The following DOCK7 variants were observed in gnomAD, a reference collection of about 807,000 sequenced individuals.
DOCK7 encodes dedicator of cytokinesis protein 7.
DOCK7 carries 138 observed loss-of-function variants against 271.0 expected under a neutral mutation model. The observed-to-expected ratio is 0.51, with a 90% confidence interval of 0.44 to 0.59. The LOEUF (loss-of-function observed/expected upper bound fraction) is 0.59, where lower values mean the gene tolerates loss of function less well. Among genes scored for constraint, DOCK7 ranks in the 20% least tolerant of loss-of-function variants. The pLI, the probability that DOCK7 is intolerant of heterozygous loss-of-function variation, is 0.00. For missense variants in DOCK7, 2,066 were observed against 2,592.4 expected (o/e 0.80, Z 4.41); for synonymous variants, 823 against 876.1 (o/e 0.94, Z 1.07).
chr1:62,565,375 C>T (rs1413838954), intron 18 of DOCK7, among the ~76,000 whole-genome samples: 2 of 152,286 alleles, frequency 1.3e-5, no homozygotes, highest in Non-Finnish European at 2.9e-5. Flanking sequence ...ATCAAGTCAG[C>T]TTCATCCCTG....
intron 14 of DOCK7, among the ~76,000 whole-genome samples, chr1:62,598,972 C>A (rs1291019796): frequency 6.6e-6 from 1 of 152,044 alleles, no homozygotes; most frequent in Non-Finnish European, 1.5e-5. Context: ...TGCATTTAAA[C>A]CATGGCTCTA....
intron 1 of DOCK7, among the ~76,000 whole-genome samples, chr1:62,674,395 C>T (rs932590845): frequency 6.6e-6 from 1 of 152,128 alleles, no homozygotes; most frequent in African/African-American, 2.4e-5. Flanking sequence ...AGATTCAGTG[C>T]AATCTCTATC....
chr1:62,513,512 C>A lies in DOCK7; in HGVS notation c.4214G>T (p.Gly1405Val). Residue 1405 changes from glycine (G) to valine (V), a missense_variant, in exon 33 of 50, where the codon GGT (glycine) becomes GTT (valine). Physicochemically the swap from Gly to Val is moderately radical, Grantham distance 109. Coordinates refer to ENST00000635253, the MANE Select transcript of DOCK7 (RefSeq NM_001367561.1). ...KLEEAILGSI[G>V]ARQEMVRRSR... is the part of the protein sequence containing the mutation. ...TCGCCGTACCATTTCTTGCCTGGCA[C>A]CTATGCTCCCAAGAATAGCTTCTTC... The A allele has an allele frequency of 6.2e-7, 1 of 1,614,098 alleles. No homozygotes were observed. The highest frequency in any genetic ancestry group is 1.1e-5 in the South Asian group (1 of 91,074).
intron 36 of DOCK7, 58 bp from the exon 37 acceptor site, chr1:62,504,840 T>C (rs1025324025): frequency 5.1e-6 from 8 of 1,578,652 alleles, no homozygotes; most frequent in Non-Finnish European, 6.0e-6. Flanking sequence ...TTCTGAGATA[T>C]GTTAATATAA....
chr1:62,504,672 G>T lies in DOCK7; in HGVS notation c.4722C>A (p.Ala1574=). 6.2e-7 allele frequency: 1 copy of T among 1,613,916 alleles called. No individual in the cohort carries two copies. The highest frequency in any genetic ancestry group is 8.5e-7 in the Non-Finnish European group (1 of 1,179,936). The change falls in exon 37 of 50, where the codon GCC becomes GCA. Residue 1574 remains alanine (A), a synonymous_variant. Coordinates refer to ENST00000635253, the MANE Select transcript of DOCK7 (RefSeq NM_001367561.1). ...TTTGCCTCATTAGTAGGTAAAGGGA[G>T]GCACTGGCGTGTGACCGTATTGTAC... ...SIGTIRSHAS[A]SLYLLMRQNF... is the part of the protein sequence containing the mutation.
intron 49 of DOCK7, among the ~76,000 whole-genome samples, chr1:62,456,782 G>T (rs1297321548): frequency 1.3e-5 from 2 of 152,012 alleles, no homozygotes; most frequent in East Asian, 3.9e-4. Flanking sequence ...CTGACCTGGT[G>T]GGTATAAGAC....
intron 31 of DOCK7, among the ~76,000 whole-genome samples, chr1:62,527,087 A>G (rs1449410584): frequency 6.6e-6 from 1 of 152,200 alleles, no homozygotes; most frequent in Non-Finnish European, 1.5e-5. Flanking sequence ...ATAAAGCTAT[A>G]AAATTGTCAA....
rs139017225 is a variant in DOCK7 at position 62,686,613 on chromosome 1, T to C, written c.38+1614A>G. Among the ~76,000 whole-genome samples the C allele has an allele frequency of 7.0e-4, 106 of 152,238 alleles. 2 individuals are homozygous for C. The highest frequency in any genetic ancestry group is 3.4e-3 in the Middle Eastern group (1 of 294). ...ATTACTACAAGTGTTTGATGACAGG[T>C]AGTATAGGCCCTGTACTATCCTACG... is the stretch of plus-strand genomic sequence containing the variant. On this transcript the variant is annotated intron_variant, in intron 1 of 49. Coordinates refer to ENST00000635253, the MANE Select transcript of DOCK7 (RefSeq NM_001367561.1).
intron 22 of DOCK7, among the ~76,000 whole-genome samples, chr1:62,549,510 T>C (rs1162652766): frequency 6.6e-6 from 1 of 152,162 alleles, no homozygotes; most frequent in Non-Finnish European, 1.5e-5. Context: ...TTATTTTTAT[T>C]TAATTTTGTG....
chr1:62,646,224 T>C (rs917538534), intron 7 of DOCK7, among the ~76,000 whole-genome samples: 7 of 150,668 alleles, frequency 4.6e-5, no homozygotes, highest in African/African-American at 1.7e-4. Flanking sequence ...GAAAACATTA[T>C]GCTGTATGAA....
intron 33 of DOCK7, among the ~76,000 whole-genome samples, 187 bp downstream of exon 33, chr1:62,513,257 G>C (rs1017027990): frequency 1.9e-5 from 2 of 103,312 alleles, no homozygotes; most frequent in Admixed American, 1.9e-4. Context: ...AGAAAACGGG[G>C]GGGGGGGGGC....
rs750808035 is a variant in DOCK7, at chr1:62,559,172, G to A, written c.2248C>T (p.His750Tyr). Residue 750 changes from histidine (H) to tyrosine (Y), a missense_variant, in exon 20 of 50, where the codon CAC becomes TAC. This residue lies in a region of DOCK7 where 1,414 missense variants were observed against 1,670.4 expected (regional missense o/e 0.85). Coordinates refer to ENST00000635253, the MANE Select transcript of DOCK7 (RefSeq NM_001367561.1). The part of the protein sequence containing the change: ...FFALVNALDE[H>Y]LFPVRIGDMR... ...TCCCCAATTCGGACTGGGAACAGGT[G>A]TTCATCCAGAGCATTGACCAGAGCA... 1.9e-6 allele frequency: 3 copies of A among 1,613,716 alleles called. No individual in the cohort carries two copies. Among genetic ancestry groups the A allele is most frequent in the Admixed American group, 1.7e-5 (1 of 59,910 alleles).
At chr1:62,545,598 T>G (rs1377405001) in intron 22 of DOCK7, among the ~76,000 whole-genome samples, 1 of 152,120 alleles carries the variant, frequency 6.6e-6, no homozygotes, top group Non-Finnish European at 1.5e-5. Flanking sequence ...ACCTAATATT[T>G]ACTCCTTCCT....
At chr1:62,602,422 A>G (rs753859845) in intron 14 of DOCK7, 1 of 1,546,568 alleles carries the variant, frequency 6.5e-7, no homozygotes, top group East Asian at 2.3e-5. Flanking sequence ...TTGCTAATCT[A>G]CAAATATTTA....
intron 17 of DOCK7, among the ~76,000 whole-genome samples, chr1:62,578,114 G>C (rs1030784816): frequency 1.3e-5 from 2 of 151,868 alleles, no homozygotes; most frequent in Non-Finnish European, 2.9e-5. Context: ...GGTAGAGATG[G>C]GGTTATGCCA....
chr1:62,650,063 G>C (rs1185443939), intron 4 of DOCK7, among the ~76,000 whole-genome samples: 2 of 152,154 alleles, frequency 1.3e-5, no homozygotes, highest in Non-Finnish European at 2.9e-5. Flanking sequence ...AACAGAGAGA[G>C]ACCTTGTCCC....
At chr1:62,620,037 T>A in intron 12 of DOCK7, 44 bp from the exon 13 acceptor site, 1 of 1,513,692 alleles carries the variant, frequency 6.6e-7, no homozygotes, top group African/African-American at 1.4e-5. Context: ...AAAACAAATA[T>A]AGCCAGGCAC....
intron 48 of DOCK7, among the ~76,000 whole-genome samples, chr1:62,472,404 C>T (rs1377124296): frequency 6.6e-6 from 1 of 152,170 alleles, no homozygotes; most frequent in East Asian, 1.9e-4. Flanking sequence ...TCACGCCCCA[C>T]CTGTTTGTTT....
At chr1:62,681,579 G>T (rs1251606825) in intron 1 of DOCK7, among the ~76,000 whole-genome samples, 1 of 150,792 alleles carries the variant, frequency 6.6e-6, no homozygotes, top group African/African-American at 2.4e-5. Context: ...AAAAAAGATT[G>T]CCATCTATGA....
Sources: allele counts gnomAD v4.1 joint callset (sites outside exome capture counted in the v4.1 genomes callset), GRCh38; gene constraint gnomAD v4.1.1; regional missense constraint gnomAD v4.1.1; transcripts MANE v1.5; gene names NCBI Gene and HGNC (gene_info 2026-07-23, HGNC 2026-07-21).